Variants in NAV3 observed in about 807,000 individuals in gnomAD.
NAV3 encodes pore membrane and/or filament interacting like protein 1.
Under a neutral mutation model 244.7 loss-of-function variants are expected in NAV3, and 87 were observed. That is an observed-to-expected ratio of 0.36 (90% CI 0.30 to 0.42). NAV3 has a LOEUF of 0.42. NAV3 is among the 20% of genes least tolerant of loss of function. NAV3 has a pLI of 1.00. For synonymous variants in NAV3, 1,126 were observed against 1,042.2 expected, an observed-to-expected ratio of 1.08 and a Z score of -1.55; for missense variants, 2,663 against 2,893.3, an observed-to-expected ratio of 0.92 and a Z score of 1.83.
At chr12:78,048,824 C>G (rs1360401166) in intron 9 of NAV3, among the ~76,000 whole-genome samples, 2 of 152,188 alleles carry the variant, frequency 1.3e-5, no homozygotes, top group African/African-American at 4.8e-5. Flanking sequence ...CCACAGCCGC[C>G]CCTTCCCCCA....
intron 2 of NAV3, among the ~76,000 whole-genome samples, chr12:77,692,084 A>G (rs1875059189): frequency 6.6e-6 from 1 of 152,020 alleles, no homozygotes; most frequent in South Asian, 2.1e-4. Context: ...ATTCTAGTGT[A>G]CAACCAAGCT....
At chr12:77,683,552 G>A (rs969916225) in intron 2 of NAV3, among the ~76,000 whole-genome samples, 1 of 152,050 alleles carries the variant, frequency 6.6e-6, no homozygotes, top group Non-Finnish European at 1.5e-5. Context: ...TTATATTTCC[G>A]TGAAAAATGT....
intron 2 of NAV3, among the ~76,000 whole-genome samples, chr12:77,634,427 T>G (rs1281985748): frequency 6.6e-6 from 1 of 152,216 alleles, no homozygotes; most frequent in African/African-American, 2.4e-5. Context: ...ATGTAATAAT[T>G]TCTTTGTTTT....
intron 2 of NAV3, among the ~76,000 whole-genome samples, chr12:77,709,243 A>G (rs1875986558): frequency 6.6e-6 from 1 of 152,190 alleles, no homozygotes; most frequent in African/African-American, 2.4e-5. Context: ...CCTTTGACAA[A>G]ATTCAGCAGC....
intron 9 of NAV3, among the ~76,000 whole-genome samples, chr12:78,046,215 G>T (rs1035574684): frequency 3.3e-5 from 5 of 152,016 alleles, no homozygotes; most frequent in Non-Finnish European, 7.4e-5. Context: ...AAGGGTTTTT[G>T]TGTCTCTATC....
chr12:77,722,069 A>G (rs567045456), intron 2 of NAV3, among the ~76,000 whole-genome samples: 3 of 152,096 alleles, frequency 2.0e-5, no homozygotes, highest in African/African-American at 4.8e-5. Flanking sequence ...CCCCAACTCA[A>G]TTTTCTGCTG....
chr12:77,970,009 A>G (rs2138023656), intron 5 of NAV3, among the ~76,000 whole-genome samples: 1 of 152,342 alleles, frequency 6.6e-6, no homozygotes, highest in Non-Finnish European at 1.5e-5. Flanking sequence ...ACTATAGTCT[A>G]ACATAGTTTA....
chr12:78,170,203 G>T (rs531917408), intron 24 of NAV3, among the ~76,000 whole-genome samples: 2 of 151,710 alleles, frequency 1.3e-5, no homozygotes, highest in South Asian at 4.2e-4. Flanking sequence ...CTCCAAATTT[G>T]CACTTGTCTT....
At chr12:78,163,325 A>C (rs1957644521) in intron 23 of NAV3, among the ~76,000 whole-genome samples, 1 of 152,130 alleles carries the variant, frequency 6.6e-6, no homozygotes, top group Non-Finnish European at 1.5e-5. Context: ...TCTCTTGCCA[A>C]ATTTGTGTGG....
At chr12:77,874,742 C>G (rs1010205894) in intron 1 of NAV3, among the ~76,000 whole-genome samples, 2 of 152,072 alleles carry the variant, frequency 1.3e-5, no homozygotes, top group Non-Finnish European at 2.9e-5. Flanking sequence ...TTTCACAGGT[C>G]TGTGATGCAC....
At chr12:77,689,079 T>C (rs911167365) in intron 2 of NAV3, among the ~76,000 whole-genome samples, 1 of 151,954 alleles carries the variant, frequency 6.6e-6, no homozygotes, top group Non-Finnish European at 1.5e-5. Context: ...TTGAGTGTAC[T>C]ATTAAAGATT....
At chr12:77,989,421 G>A (rs757640923) in intron 5 of NAV3, among the ~76,000 whole-genome samples, 8 of 152,132 alleles carry the variant, frequency 5.3e-5, no homozygotes, top group Non-Finnish European at 1.0e-4. Context: ...TGCCCATTGG[G>A]CTTCCTATGG....
intron 2 of NAV3, among the ~76,000 whole-genome samples, chr12:77,607,189 G>C (rs1298102901): frequency 6.6e-6 from 1 of 152,046 alleles, no homozygotes; most frequent in Non-Finnish European, 1.5e-5. Context: ...TTTCAAATCT[G>C]TTGGTAATAA....
intron 1 of NAV3, among the ~76,000 whole-genome samples, chr12:77,921,222 T>C (rs547270216): frequency 2.6e-4 from 39 of 152,182 alleles, no homozygotes; most frequent in Admixed American, 5.2e-4. Flanking sequence ...ATATTCAAGA[T>C]ATGAAATTCT....
intron 12 of NAV3, among the ~76,000 whole-genome samples, chr12:78,101,449 T>A (rs1387557068): frequency 6.6e-6 from 1 of 152,176 alleles, no homozygotes; most frequent in Non-Finnish European, 1.5e-5. Flanking sequence ...AAAGGAATCT[T>A]TTTTAAACTG....
chr12:77,814,330 C>T (rs1178484199), intron 2 of NAV3, among the ~76,000 whole-genome samples: 1 of 152,058 alleles, frequency 6.6e-6, no homozygotes, highest in Non-Finnish European at 1.5e-5. Context: ...AAGAATCATT[C>T]GAGAAGATGT....
chr12:77,931,800 G>T (rs1888828182), intron 1 of NAV3, among the ~76,000 whole-genome samples: 1 of 152,120 alleles, frequency 6.6e-6, no homozygotes, highest in Non-Finnish European at 1.5e-5. Flanking sequence ...CCGGGAGGAG[G>T]AGCTTGCAGT....
intron 2 of NAV3, among the ~76,000 whole-genome samples, chr12:77,679,951 T>G (rs1874377493): frequency 6.6e-6 from 1 of 152,024 alleles, no homozygotes; most frequent in African/African-American, 2.4e-5. Flanking sequence ...TAATGGGCAG[T>G]GTGGAGGTAC....
intron 2 of NAV3, among the ~76,000 whole-genome samples, chr12:77,591,280 T>C (rs998433533): frequency 6.6e-6 from 1 of 152,256 alleles, no homozygotes; most frequent in African/African-American, 2.4e-5. Context: ...GTCTCAAATA[T>C]GTTAACATAT....
Sources: gnomAD v4.1 joint callset for allele counts (sites outside exome capture counted in the v4.1 genomes callset) on GRCh38, gnomAD v4.1.1 for gene constraint, MANE v1.5 for transcripts, NCBI Gene and HGNC (gene_info 2026-07-23, HGNC 2026-07-21) for gene names.